The following SLC47A2 variants were observed in gnomAD, a reference collection of about 807,000 sequenced individuals.
The protein encoded by SLC47A2 is solute carrier family 47 member 2.
In SLC47A2, 52 loss-of-function variants were observed where a neutral mutation model predicts 67.7. The ratio of observed to expected loss-of-function variants is 0.77; its 90% CI spans 0.61 to 0.97. The LOEUF (loss-of-function observed/expected upper bound fraction) is 0.97, where lower values mean the gene tolerates loss of function less well. Ranked by LOEUF, SLC47A2 falls within the 50% of genes least tolerant of loss-of-function variation. The probability of loss-of-function intolerance (pLI) is 0.00; values close to 1 mark genes in which losing one functional copy is unlikely to be tolerated. For missense variants in SLC47A2, 676 were observed against 712.3 expected (o/e 0.95, Z 0.58); for synonymous variants, 278 against 292.9 (o/e 0.95, Z 0.52).
intron 5 of SLC47A2, among the ~76,000 whole-genome samples, chr17:19,710,818 T>C (rs898172405): frequency 4.1e-5 from 6 of 146,778 alleles, no homozygotes; most frequent in African/African-American, 1.5e-4. Flanking sequence ...TCACAAATCT[T>C]TTTTTTTTTT....
intron 1 of SLC47A2, chr17:19,715,781 A>C (rs1270812299): frequency 2.3e-5 from 3 of 130,472 alleles, no homozygotes; most frequent in African/African-American, 5.9e-5. Flanking sequence ...ATCTCGGCTC[A>C]CTGCAACCTA....
Position 19,715,149 on chromosome 17 carries a change from C to G in SLC47A2, c.192G>C (p.Lys64Asn). Residue 64 changes from lysine to asparagine, a missense_variant, in exon 2 of 17, where the codon AAG becomes AAC. Lys to Asn is a moderately conservative substitution (Grantham distance 94). Coordinates refer to ENST00000433844, the MANE Select transcript of SLC47A2 (RefSeq NM_001099646.3). Reference protein sequence around the residue: ...VSTVFCGHLGKVELASVTLAV... With the variant: ...VSTVFCGHLGNVELASVTLAV... Reference sequence around the variant, plus strand: ...CGAGGGTCACCGATGCCAGCTCCACCTTGCCCAGGTGCCCGCAGAACACAG... The same window carrying G: ...CGAGGGTCACCGATGCCAGCTCCACGTTGCCCAGGTGCCCGCAGAACACAG... 1 of 1,612,578 alleles carries G rather than the reference C, an allele frequency of 6.2e-7. No individual in the cohort carries two copies. Among genetic ancestry groups the G allele is most frequent in the East Asian group, 2.2e-5 (1 of 44,888 alleles).
At chr17:19,706,930 G>A (rs1399425166) in intron 8 of SLC47A2, among the ~76,000 whole-genome samples, 169 bp from the exon 9 acceptor site, 1 of 152,198 alleles carries the variant, frequency 6.6e-6, no homozygotes, top group African/African-American at 2.4e-5. Context: ...TAGAGCTGGT[G>A]TTGGGGCCTA....
intron 7 of SLC47A2, among the ~76,000 whole-genome samples, 168 bp from the exon 8 acceptor site, chr17:19,708,011 G>A (rs1033423011): frequency 1.3e-5 from 2 of 152,302 alleles, no homozygotes; most frequent in Admixed American, 1.3e-4. Context: ...CTCTGGCCAT[G>A]GTGGCTCTAC....
chr17:19,678,961 T>A, intron 16 of SLC47A2, 55 bp from the exon 17 acceptor site: 1 of 1,506,342 alleles, frequency 6.6e-7, no homozygotes, highest in Non-Finnish European at 9.0e-7. Flanking sequence ...GGGAGAGCTT[T>A]GGCCTTGGAA....
intron 13 of SLC47A2, chr17:19,692,131 C>T (rs1346955115): frequency 3.0e-6 from 1 of 332,240 alleles, no homozygotes; most frequent in South Asian, 2.4e-5. Context: ...AGGAGGCTGA[C>T]GCAGGAGAAT....
Position 19,714,746 on chromosome 17 carries a change from G to A in SLC47A2, c.269C>T (p.Ser90Leu), listed in dbSNP as rs766288733. The change falls in exon 3 of 17, where the codon TCG (serine) becomes TTG (leucine). Residue 90 changes from serine to leucine, a missense_variant. By Grantham distance (145) the Ser-to-Leu change is moderately radical. Coordinates refer to ENST00000433844, the MANE Select transcript of SLC47A2 (RefSeq NM_001099646.3). ...CTGAGACATCAAGGTGTCACATGCC[G>A]AAGACAAACCAACTCCTACAGAAAC... ...CGVSVGVGLSSACDTLMSQSF... is the reference protein window; with the variant it reads ...CGVSVGVGLSLACDTLMSQSF... 10 of 1,614,080 alleles carry A rather than the reference G, an allele frequency of 6.2e-6. No homozygotes were observed. The highest frequency in any genetic ancestry group is 5.0e-5 in the Admixed American group (3 of 60,034).
intron 15 of SLC47A2, 103 bp from the exon 16 acceptor site, chr17:19,680,142 C>G: frequency 9.2e-7 from 1 of 1,086,930 alleles, no homozygotes; most frequent in Non-Finnish European, 1.3e-6. Context: ...CAAGCTGAAG[C>G]AGCATATATG....
At chr17:19,699,787 T>A (rs1774647554) in intron 13 of SLC47A2, among the ~76,000 whole-genome samples, 1 of 152,100 alleles carries the variant, frequency 6.6e-6, no homozygotes, top group Non-Finnish European at 1.5e-5. Flanking sequence ...AGAACTCTAC[T>A]AAAAGAAATG....
chr17:19,705,091 G>T, intron 10 of SLC47A2: 1 of 373,536 alleles, frequency 2.7e-6, no homozygotes, highest in Non-Finnish European at 4.8e-6. Context: ...CAAAGTACTG[G>T]GATTACACAC....
In SLC47A2 at chr17:19,685,851, GATATAAAT is replaced by G. The variant is rs555066604; in HGVS notation, c.1165-4189_1165-4182del. On this transcript the variant is annotated intron_variant, in intron 13 of 16. Transcript: ENST00000433844. This position sits in a 1 kb window ranked among gnomAD's most constrained non-coding sequence, Gnocchi z 4.5. Reference sequence around the variant, plus strand: ...AACTACTTTTCAAGACATAGTGTAAGATATAAATAGAAACAACAAAGTTAAGAAACAGC... The same window carrying G: ...AACTACTTTTCAAGACATAGTGTAAGAGAAACAACAAAGTTAAGAAACAGC... Among the ~76,000 whole-genome samples the G allele has an allele frequency of 6.6e-6, 1 of 152,180 alleles. No homozygotes were observed. The highest frequency in any genetic ancestry group is 2.1e-4 in the South Asian group (1 of 4,836).
Position 19,708,305 on chromosome 17 carries a change from AC to A in SLC47A2, c.625del (p.Val209SerfsTer25), listed in dbSNP as rs1400530954. 6.2e-7 allele frequency: 1 copy of A among 1,612,212 alleles called. No individual in the cohort carries two copies. The highest frequency in any genetic ancestry group is 8.5e-7 in the Non-Finnish European group (1 of 1,179,918). On this transcript the variant is annotated frameshift_variant, in exon 7 of 17. Coordinates refer to ENST00000433844, the MANE Select transcript of SLC47A2 (RefSeq NM_001099646.3). LOFTEE classifies it high-confidence loss of function. ...CCCCACCAGCCCCCGGGCTCACCTG[AC>A]CCCCAGGTTCAGCACAGAAACCAGG... is the stretch of plus-strand genomic sequence containing the variant. ...YALVSVLNLG[V>X]RGSAYANIIS... is the part of the protein sequence containing the mutation.
intron 9 of SLC47A2, 65 bp from the exon 10 acceptor site, chr17:19,705,568 G>A: frequency 2.7e-6 from 4 of 1,496,322 alleles, no homozygotes; most frequent in African/African-American, 1.4e-5. Flanking sequence ...GCGCCGACAG[G>A]ACGCTGCTTT....
chr17:19,715,023 C>T, intron 2 of SLC47A2, 93 bp downstream of exon 2: 2 of 1,417,822 alleles, frequency 1.4e-6, no homozygotes, highest in Non-Finnish European at 2.0e-6. Context: ...TCTTCCCATC[C>T]CTGACCAGCC....
At chr17:19,693,879 T>C (rs1394179232) in intron 13 of SLC47A2, among the ~76,000 whole-genome samples, 1 of 152,140 alleles carries the variant, frequency 6.6e-6, no homozygotes, top group African/African-American at 2.4e-5. Flanking sequence ...ACAGATGACA[T>C]GATCCTACAT....
intron 6 of SLC47A2, 152 bp from the exon 7 acceptor site, chr17:19,708,551 T>A: frequency 6.2e-7 from 1 of 1,610,072 alleles, no homozygotes. Context: ...GCCTCTCACC[T>A]GCCTCTGTGC....
At chr17:19,697,584 T>G (rs1360257693) in intron 13 of SLC47A2, among the ~76,000 whole-genome samples, 1 of 152,158 alleles carries the variant, frequency 6.6e-6, no homozygotes, top group Admixed American at 6.5e-5. Context: ...TTTTAAAATT[T>G]GTTTTATTTA....
At chr17:19,696,219 G>C (rs1415728203) in intron 13 of SLC47A2, among the ~76,000 whole-genome samples, 1 of 150,148 alleles carries the variant, frequency 6.7e-6, no homozygotes, top group Non-Finnish European at 1.5e-5. Flanking sequence ...TTGGGAGGCC[G>C]AGGTGGGCAG....
In SLC47A2 at chr17:19,680,107, C is replaced by T. The variant is rs148610184; in HGVS notation, c.1393-68G>A. Reference sequence around the variant, plus strand: ...CAGTTCACCCCTTCACTGCTAGCCTCGCATTCTCTGTTTTTAAAACATTGC... The same window carrying T: ...CAGTTCACCCCTTCACTGCTAGCCTTGCATTCTCTGTTTTTAAAACATTGC... On this transcript the variant is annotated intron_variant, in intron 15 of 16. Coordinates refer to ENST00000433844, the MANE Select transcript of SLC47A2 (RefSeq NM_001099646.3). 4.2e-5 allele frequency: 62 copies of T among 1,467,816 alleles called. No homozygotes were observed. The African/African-American group carries it at 7.3e-4, about 17-fold the overall frequency. 90.9% of individuals were successfully genotyped at this position (1,467,816 alleles called of 1,614,324 possible).
Sources: gnomAD v4.1 joint callset for allele counts (sites outside exome capture counted in the v4.1 genomes callset) on GRCh38, gnomAD v4.1.1 for gene constraint, Gnocchi (gnomAD v3.1) non-coding constraint, MANE v1.5 for transcripts, NCBI Gene and HGNC (gene_info 2026-07-23, HGNC 2026-07-21) for gene names.